Variants in OSBPL10 observed in about 807,000 individuals in gnomAD.
OSBPL10 encodes oxysterol-binding protein-related protein 10.
Under a neutral mutation model 81.7 loss-of-function variants are expected in OSBPL10, and 49 were observed. The observed-to-expected ratio is 0.60, with a 90% CI of 0.48 to 0.76. OSBPL10 has a LOEUF of 0.76. Among genes scored for constraint, OSBPL10 ranks in the 30% least tolerant of loss-of-function variants. OSBPL10 has a pLI of 0.00. For missense variants in OSBPL10, 923 were observed against 987.8 expected (o/e 0.93, Z 0.88); for synonymous variants, 419 against 383.6 (o/e 1.09, Z -1.08).
At chr3:32,035,484 C>A (rs1335908339) in intron 2 of OSBPL10, among the ~76,000 whole-genome samples, 3 of 143,782 alleles carry the variant, frequency 2.1e-5, no homozygotes, top group Non-Finnish European at 4.5e-5. Context: ...ATGGCTTGAA[C>A]TTGGGAGGCA....
intron 4 of OSBPL10, among the ~76,000 whole-genome samples, chr3:31,810,066 T>C (rs1371849400): frequency 6.6e-6 from 1 of 152,038 alleles, no homozygotes; most frequent in Non-Finnish European, 1.5e-5. Flanking sequence ...AGACAGGGTC[T>C]CTCCATGTTG....
chr3:31,794,204 G>C (rs975742668), intron 4 of OSBPL10, among the ~76,000 whole-genome samples: 1 of 152,194 alleles, frequency 6.6e-6, no homozygotes, highest in African/African-American at 2.4e-5. Context: ...GAGTGCAATG[G>C]CACAATCTCA....
At chr3:31,823,306 G>C (rs139371672) in intron 4 of OSBPL10, among the ~76,000 whole-genome samples, 1 of 152,210 alleles carries the variant, frequency 6.6e-6, no homozygotes, top group Non-Finnish European at 1.5e-5. Context: ...TTGTTCATCA[G>C]TATGCCTAGT....
At chr3:31,948,516 C>A (rs1347156200) in intron 1 of OSBPL10, among the ~76,000 whole-genome samples, 2 of 152,198 alleles carry the variant, frequency 1.3e-5, no homozygotes, top group Non-Finnish European at 2.9e-5. Flanking sequence ...CAGAGTGAAT[C>A]TCCACGACCA....
intron 3 of OSBPL10, among the ~76,000 whole-genome samples, chr3:31,841,565 C>A (rs12485457): frequency 0.018 from 2,732 of 152,314 alleles, 34 homozygotes; most frequent in Non-Finnish European, 0.028. Flanking sequence ...GTTGCCCCAT[C>A]TCAGGATTTC....
At chr3:31,868,634 G>A (rs1302214594) in intron 3 of OSBPL10, among the ~76,000 whole-genome samples, 1 of 151,646 alleles carries the variant, frequency 6.6e-6, no homozygotes, top group Non-Finnish European at 1.5e-5. Flanking sequence ...CACTTTCCAT[G>A]TCCAGAAAAA....
chr3:32,015,269 T>C (rs79964354), intron 2 of OSBPL10, among the ~76,000 whole-genome samples: 149,087 of 152,084 alleles, frequency 0.98, 73,078 homozygotes, highest in East Asian at 1. Context: ...TGGAACAGAA[T>C]AGAGCCCTCA....
intron 1 of OSBPL10, among the ~76,000 whole-genome samples, chr3:31,952,436 C>A (rs191560636): frequency 6.6e-6 from 1 of 152,190 alleles, no homozygotes; most frequent in African/African-American, 2.4e-5. Flanking sequence ...TCCCTCGTCA[C>A]GCTCCGTGAG....
chr3:31,771,136 G>A (rs962112314), intron 4 of OSBPL10, among the ~76,000 whole-genome samples: 5 of 152,320 alleles, frequency 3.3e-5, no homozygotes, highest in South Asian at 2.1e-4. Flanking sequence ...CAAGTGTTAC[G>A]TAAGTGTTTG....
intron 3 of OSBPL10, among the ~76,000 whole-genome samples, chr3:31,874,990 C>T (rs1270346523): frequency 1.3e-5 from 2 of 150,266 alleles, no homozygotes; most frequent in African/African-American, 2.5e-5. Context: ...AAAGCACTGA[C>T]ATCCATTCCC....
At chr3:31,973,518 G>C (rs1356901146) in intron 1 of OSBPL10, among the ~76,000 whole-genome samples, 5 of 152,220 alleles carry the variant, frequency 3.3e-5, no homozygotes. Flanking sequence ...TTTACAGATG[G>C]AGAGACCAAG....
chr3:31,932,226 C>T (rs939025288), intron 1 of OSBPL10, among the ~76,000 whole-genome samples: 13 of 152,098 alleles, frequency 8.5e-5, no homozygotes, highest in African/African-American at 3.1e-4. Flanking sequence ...TAAGTTTATG[C>T]TAAAATAATC....
At chr3:31,880,200 T>C (rs545198455) in intron 1 of OSBPL10, among the ~76,000 whole-genome samples, 8 of 152,298 alleles carry the variant, frequency 5.3e-5, no homozygotes, top group East Asian at 3.9e-4. Flanking sequence ...ACAGGAACAG[T>C]TGAAATTCAC....
At chr3:31,689,085 C>T (rs535549429) in intron 7 of OSBPL10, among the ~76,000 whole-genome samples, 49 of 152,120 alleles carry the variant, frequency 3.2e-4, no homozygotes, top group African/African-American at 7.2e-4. Context: ...ATTATTACTG[C>T]CCAAATTGTT....
chr3:31,872,906 G>A (rs1183295762), intron 3 of OSBPL10, among the ~76,000 whole-genome samples: 3 of 152,188 alleles, frequency 2.0e-5, no homozygotes, highest in African/African-American at 7.2e-5. Context: ...TTACAGGCGT[G>A]AGCCACCACA....
intron 1 of OSBPL10, among the ~76,000 whole-genome samples, chr3:31,900,337 C>G (rs1696198378): frequency 6.6e-6 from 1 of 152,166 alleles, no homozygotes; most frequent in African/African-American, 2.4e-5. Context: ...GAGAATGAAA[C>G]TTTTAAAAAA....
chr3:31,735,974 C>T (rs1041106536), intron 5 of OSBPL10, among the ~76,000 whole-genome samples: 4 of 152,102 alleles, frequency 2.6e-5, no homozygotes, highest in Non-Finnish European at 5.9e-5. Context: ...AAAGAGTGTA[C>T]GCTCAGTATG....
intron 3 of OSBPL10, among the ~76,000 whole-genome samples, chr3:31,856,142 C>G (rs2125586473): frequency 6.8e-6 from 1 of 147,966 alleles, no homozygotes; most frequent in South Asian, 2.1e-4. Flanking sequence ...GCCTTCTTGA[C>G]CTAAAATGAT....
intron 4 of OSBPL10, among the ~76,000 whole-genome samples, chr3:31,789,023 G>T (rs925000765): frequency 6.6e-6 from 1 of 151,756 alleles, no homozygotes; most frequent in Non-Finnish European, 1.5e-5. Context: ...CTGTCACCCA[G>T]GCTGGAGTGC....
Sources: gnomAD v4.1 joint callset for allele counts (sites outside exome capture counted in the v4.1 genomes callset) on GRCh38, gnomAD v4.1.1 for gene constraint, MANE v1.5 for transcripts, NCBI Gene and HGNC (gene_info 2026-07-23, HGNC 2026-07-21) for gene names.